The following LDB2 variants were observed in gnomAD, a reference collection of about 807,000 sequenced individuals.
LDB2 encodes LIM domain binding 2, also known as LIM domain-binding protein 2.
Under a neutral mutation model 44.3 loss-of-function variants are expected in LDB2, and 12 were observed. That is an observed-to-expected ratio of 0.27 (90% CI 0.17 to 0.44). The LOEUF (loss-of-function observed/expected upper bound fraction) is 0.44, where lower values mean the gene tolerates loss of function less well. Among genes scored for constraint, LDB2 ranks in the 20% least tolerant of loss-of-function variants. LDB2 has a pLI of 1.00. For missense variants in LDB2, 344 were observed against 473.5 expected (o/e 0.73, Z 2.54); for synonymous variants, 164 against 174.8 (o/e 0.94, Z 0.49).
At chr4:16,754,266 C>G (rs1766051087) in intron 2 of LDB2, among the ~76,000 whole-genome samples, 1 of 152,160 alleles carries the variant, frequency 6.6e-6, no homozygotes, top group Admixed American at 6.5e-5. Context: ...TCTCCTCAGT[C>G]CTGCATTTCA....
chr4:16,507,928 T>C (rs922195023), intron 7 of LDB2, among the ~76,000 whole-genome samples: 4 of 152,182 alleles, frequency 2.6e-5, no homozygotes, highest in African/African-American at 9.7e-5. Context: ...TTCCTAATGG[T>C]CTTTGTCAAG....
intron 2 of LDB2, among the ~76,000 whole-genome samples, chr4:16,729,764 C>T (rs182303023): frequency 2.8e-4 from 42 of 152,304 alleles, no homozygotes; most frequent in Admixed American, 3.9e-4. Context: ...CCTTTCCTTT[C>T]TCTCCAGGGA....
chr4:16,555,770 G>C (rs573178772), intron 5 of LDB2, among the ~76,000 whole-genome samples: 77 of 152,284 alleles, frequency 5.1e-4, no homozygotes, highest in South Asian at 2.7e-3. Context: ...GCATAGGCAG[G>C]TGTTTAGATT....
intron 5 of LDB2, among the ~76,000 whole-genome samples, chr4:16,576,894 G>A (rs1253435023): frequency 6.6e-6 from 1 of 152,120 alleles, no homozygotes; most frequent in East Asian, 1.9e-4. Flanking sequence ...ATGACCAAGT[G>A]GTAGTTATCT....
chr4:16,565,954 ACAC>A (rs1203954422), intron 5 of LDB2, among the ~76,000 whole-genome samples: 1 of 151,910 alleles, frequency 6.6e-6, no homozygotes, highest in Non-Finnish European at 1.5e-5. Context: ...GACCACACAC[ACAC>A]ATGTATCTAT....
At chr4:16,566,837 C>T (rs886562468) in intron 5 of LDB2, among the ~76,000 whole-genome samples, 3 of 151,924 alleles carry the variant, frequency 2.0e-5, no homozygotes, top group Non-Finnish European at 4.4e-5. Context: ...ATTAAGTATA[C>T]GAACAAACAA....
chr4:16,820,047 G>C (rs928387626), intron 1 of LDB2, among the ~76,000 whole-genome samples: 21 of 152,158 alleles, frequency 1.4e-4, no homozygotes, highest in African/African-American at 4.8e-4. Flanking sequence ...AGTACTTTAT[G>C]CTGCAAAATA....
At chr4:16,874,483 C>G (rs1284500788) in intron 1 of LDB2, among the ~76,000 whole-genome samples, 6 of 152,150 alleles carry the variant, frequency 3.9e-5, no homozygotes, top group African/African-American at 1.4e-4. Context: ...GCAGAAGCAT[C>G]ATAATTTGCA....
At chr4:16,746,889 T>A (rs1215571263) in intron 2 of LDB2, among the ~76,000 whole-genome samples, 1 of 152,188 alleles carries the variant, frequency 6.6e-6, no homozygotes, top group Non-Finnish European at 1.5e-5. Context: ...CTCAGGGTTC[T>A]GAATGAAGAT....
intron 1 of LDB2, among the ~76,000 whole-genome samples, chr4:16,863,596 G>A (rs1357991246): frequency 6.6e-6 from 1 of 151,744 alleles, no homozygotes; most frequent in East Asian, 1.9e-4. Flanking sequence ...ACAGAGGTGG[G>A]TCGGATGTGC....
intron 2 of LDB2, among the ~76,000 whole-genome samples, chr4:16,694,233 T>G (rs1364313386): frequency 1.3e-5 from 2 of 152,250 alleles, no homozygotes; most frequent in African/African-American, 4.8e-5. Context: ...CTGACCCTGA[T>G]GGTTGCTTGT....
At chr4:16,617,355 G>A (rs983391170) in intron 2 of LDB2, among the ~76,000 whole-genome samples, 2 of 152,056 alleles carry the variant, frequency 1.3e-5, no homozygotes. Context: ...AAATTCAAAT[G>A]ACAGCCCAGC....
chr4:16,698,303 A>C (rs140998150), intron 2 of LDB2, among the ~76,000 whole-genome samples: 4 of 152,228 alleles, frequency 2.6e-5, no homozygotes, highest in Non-Finnish European at 5.9e-5. Context: ...GAATTATTGT[A>C]TCAAAAGAAT....
Position 16,555,095 on chromosome 4 carries a change from GTTTT to G in LDB2, c.615+30823_615+30826del, listed in dbSNP as rs57066752. 2.3e-4 allele frequency among the ~76,000 whole-genome samples: 33 copies of G among 141,916 alleles called. No individual in the cohort carries two copies. The East Asian group carries it at 3.1e-3, about 13-fold the overall frequency. The allele number at this position is 141,916 out of a possible 152,430, so 93.1% of individuals were successfully genotyped here. ...AAAACTGCTCTGAAAATATGGAGTG[GTTTT>G]TTTTTTTTTTTTGAAGTTAATATGG... On this transcript the variant is annotated intron_variant, in intron 5 of 7. Transcript: ENST00000304523.
intron 2 of LDB2, among the ~76,000 whole-genome samples, chr4:16,678,720 A>G (rs953986691): frequency 1.3e-5 from 2 of 152,214 alleles, no homozygotes; most frequent in African/African-American, 2.4e-5. Context: ...ACATCTTGAT[A>G]TGTGGTATAC....
intron 5 of LDB2, among the ~76,000 whole-genome samples, chr4:16,542,672 T>C (rs1024154787): frequency 6.6e-6 from 1 of 152,148 alleles, no homozygotes; most frequent in Non-Finnish European, 1.5e-5. Context: ...CCAAAAACAA[T>C]AGTCTATTCA....
intron 2 of LDB2, among the ~76,000 whole-genome samples, chr4:16,652,210 G>T (rs1182599684): frequency 6.6e-6 from 1 of 152,064 alleles, no homozygotes; most frequent in African/African-American, 2.4e-5. Context: ...CCCTCCCAAA[G>T]TGTTATGTTT....
At chr4:16,686,878 TG>T (rs1303407242) in intron 2 of LDB2, among the ~76,000 whole-genome samples, 4 of 152,188 alleles carry the variant, frequency 2.6e-5, no homozygotes, top group African/African-American at 9.7e-5. Flanking sequence ...ATAATTTTGG[TG>T]GGGTTGGGGG....
At chr4:16,840,854 C>T (rs1785743873) in intron 1 of LDB2, among the ~76,000 whole-genome samples, 1 of 152,210 alleles carries the variant, frequency 6.6e-6, no homozygotes, top group South Asian at 2.1e-4. Context: ...ATCTCTTTCT[C>T]TGCCTGCAGT....
Sources: gnomAD v4.1 joint callset for allele counts (sites outside exome capture counted in the v4.1 genomes callset) on GRCh38, gnomAD v4.1.1 for gene constraint, MANE v1.5 for transcripts, NCBI Gene and HGNC (gene_info 2026-07-23, HGNC 2026-07-21) for gene names.